MSRA: variants seen among roughly 807,000 people sequenced by gnomAD.
MSRA encodes the protein mitochondrial peptide methionine sulfoxide reductase.
A neutral mutation model predicts 31.3 loss-of-function variants in MSRA; 54 were observed. The ratio of observed to expected loss-of-function variants is 1.73; its 90% CI spans 1.39 to 2.17. MSRA has a LOEUF of 2.17. MSRA is among the 30% of genes most tolerant of loss of function. The pLI is 0.00. For missense variants in MSRA, 507 were observed against 300.9 expected (o/e 1.69, Z -5.07); for synonymous variants, 169 against 116.5 (o/e 1.45, Z -2.90).
intron 1 of MSRA, among the ~76,000 whole-genome samples, chr8:10,204,403 C>T (rs181471144): frequency 1.3e-3 from 191 of 152,356 alleles, no homozygotes; most frequent in Middle Eastern, 0.01. Context: ...GTCATAAATA[C>T]CCTAGACAGG....
chr8:10,127,168 C>G (rs1213156378), intron 1 of MSRA, among the ~76,000 whole-genome samples: 6 of 152,102 alleles, frequency 3.9e-5, no homozygotes, highest in African/African-American at 7.2e-5. Flanking sequence ...TTGAGATTGC[C>G]TAGAATTTTT....
At chr8:10,143,104 T>G (rs749491515) in intron 1 of MSRA, among the ~76,000 whole-genome samples, 4 of 152,150 alleles carry the variant, frequency 2.6e-5, no homozygotes, top group African/African-American at 4.8e-5. Flanking sequence ...AGCGTAATTT[T>G]TATCCAAAGA....
At chr8:10,086,733 C>A (rs963816127) in intron 1 of MSRA, among the ~76,000 whole-genome samples, 6 of 151,776 alleles carry the variant, frequency 4.0e-5, no homozygotes, top group Non-Finnish European at 8.8e-5. Context: ...TCACACATAG[C>A]AGGTACTCAG....
chr8:10,143,159 C>G (rs541398611), intron 1 of MSRA, among the ~76,000 whole-genome samples: 1 of 152,140 alleles, frequency 6.6e-6, no homozygotes, highest in African/African-American at 2.4e-5. Context: ...TTGGTTTGTC[C>G]TCTTCTTTCA....
At chr8:10,152,267 G>A (rs752944757) in intron 1 of MSRA, among the ~76,000 whole-genome samples, 9 of 152,280 alleles carry the variant, frequency 5.9e-5, no homozygotes, top group Non-Finnish European at 8.8e-5. Flanking sequence ...ACATGTATAC[G>A]TATGTATATA....
intron 1 of MSRA, among the ~76,000 whole-genome samples, chr8:10,186,047 C>T (rs201645934): frequency 1.3e-5 from 2 of 152,138 alleles, no homozygotes; most frequent in African/African-American, 4.8e-5. Context: ...ATACTGCATA[C>T]GTATCGGAAC....
intron 3 of MSRA, among the ~76,000 whole-genome samples, chr8:10,252,023 G>A (rs200395440): frequency 1.3e-5 from 2 of 152,288 alleles, no homozygotes; most frequent in East Asian, 3.9e-4. Context: ...GTTTGAACTC[G>A]GTAAGATTCA....
chr8:10,188,710 C>T (rs548240232), intron 1 of MSRA, among the ~76,000 whole-genome samples: 2 of 152,300 alleles, frequency 1.3e-5, no homozygotes, highest in East Asian at 1.9e-4. Context: ...CAATTAAATC[C>T]TGTCTTCTCT....
intron 1 of MSRA, among the ~76,000 whole-genome samples, chr8:10,153,175 T>G (rs902902367): frequency 1.3e-5 from 2 of 152,180 alleles, no homozygotes; most frequent in Non-Finnish European, 2.9e-5. Context: ...TTCACCACAA[T>G]TACAAAAGTG....
intron 1 of MSRA, among the ~76,000 whole-genome samples, chr8:10,071,965 G>T (rs1797755090): frequency 6.6e-6 from 1 of 152,154 alleles, no homozygotes; most frequent in East Asian, 1.9e-4. Flanking sequence ...TGGGTCCCCT[G>T]TGTCCAGGGG....
intron 4 of MSRA, among the ~76,000 whole-genome samples, chr8:10,306,924 A>G (rs1801170544): frequency 6.6e-6 from 1 of 152,220 alleles, no homozygotes; most frequent in Non-Finnish European, 1.5e-5. Context: ...CTTAGGGGCC[A>G]GTCTTAGCGA....
intron 5 of MSRA, among the ~76,000 whole-genome samples, chr8:10,412,202 A>G (rs533250455): frequency 6.6e-6 from 1 of 152,386 alleles, no homozygotes; most frequent in East Asian, 1.9e-4. Flanking sequence ...GTCTGAACAA[A>G]TAATTGTATA....
intron 4 of MSRA, among the ~76,000 whole-genome samples, chr8:10,315,924 C>A (rs982276718): frequency 6.6e-6 from 1 of 152,214 alleles, no homozygotes; most frequent in Non-Finnish European, 1.5e-5. Context: ...AAAATTCACA[C>A]TATGATAACT....
intron 1 of MSRA, among the ~76,000 whole-genome samples, chr8:10,120,961 G>C (rs6986885): frequency 1.1e-4 from 17 of 151,994 alleles, no homozygotes; most frequent in African/African-American, 4.1e-4. Flanking sequence ...ATTTAATTAC[G>C]TTTTAAGTGA....
intron 3 of MSRA, among the ~76,000 whole-genome samples, chr8:10,270,001 T>C (rs1408023859): frequency 6.6e-6 from 1 of 152,160 alleles, no homozygotes; most frequent in African/African-American, 2.4e-5. Context: ...TCATCTACCT[T>C]GAAGGGTTTG....
chr8:10,151,175 C>G (rs748932493), intron 1 of MSRA, among the ~76,000 whole-genome samples: 3 of 149,556 alleles, frequency 2.0e-5, no homozygotes, highest in Admixed American at 1.3e-4. Context: ...CCGAGCTCAC[C>G]AGGAGCTTCA....
intron 3 of MSRA, chr8:10,250,678 C>G (rs146494468): frequency 3.5e-6 from 2 of 563,752 alleles, no homozygotes; most frequent in Non-Finnish European, 6.3e-6. Context: ...TGGGAGTCCT[C>G]GTGTGACCCT....
intron 5 of MSRA, among the ~76,000 whole-genome samples, chr8:10,401,121 C>G (rs1044883799): frequency 1.3e-5 from 2 of 150,970 alleles, no homozygotes; most frequent in Admixed American, 1.3e-4. Context: ...AAACAACCCA[C>G]AGAGTCACAG....
At chr8:10,132,758 C>T (rs957314920) in intron 1 of MSRA, among the ~76,000 whole-genome samples, 1 of 152,164 alleles carries the variant, frequency 6.6e-6, no homozygotes, top group African/African-American at 2.4e-5. Context: ...CCTTGTGTGC[C>T]AGGGACTGTG....
Sources: gnomAD v4.1 joint callset for allele counts (sites outside exome capture counted in the v4.1 genomes callset) on GRCh38, gnomAD v4.1.1 for gene constraint, MANE v1.5 for transcripts, NCBI Gene and HGNC (gene_info 2026-07-23, HGNC 2026-07-21) for gene names.